The following ACSM2A variants were observed in gnomAD, a reference collection of about 807,000 sequenced individuals.
The protein encoded by ACSM2A is acyl-coenzyme A synthetase ACSM2A, mitochondrial.
A neutral mutation model predicts 76.6 loss-of-function variants in ACSM2A; 72 were observed. The observed-to-expected ratio is 0.94, with a 90% CI of 0.78 to 1.14. ACSM2A has a LOEUF of 1.14. ACSM2A is among the 50% of genes most tolerant of loss of function. The probability of loss-of-function intolerance (pLI) is 0.00; values close to 1 mark genes in which losing one functional copy is unlikely to be tolerated. For missense variants in ACSM2A, 684 were observed against 708.5 expected (o/e 0.97, Z 0.39); for synonymous variants, 249 against 255.9 (o/e 0.97, Z 0.26).
rs1333535011 is a variant in ACSM2A at position 20,471,595 on chromosome 16, T to C, written c.800T>C (p.Leu267Pro). ...MWTISDTGWI[L>P]NILCSLMEPW... Reference sequence around the variant, plus strand: ...ACCATATCAGACACAGGTTGGATACTGAACATCTTGTGCTCACTTATGGAA... The same window carrying C: ...ACCATATCAGACACAGGTTGGATACCGAACATCTTGTGCTCACTTATGGAA... Residue 267 changes from leucine (L) to proline (P), a missense_variant, in exon 6 of 14, where the codon CTG (leucine) becomes CCG (proline). Coordinates refer to ENST00000573854, the MANE Select transcript of ACSM2A (RefSeq NM_001308172.2). 4.3e-6 allele frequency: 7 copies of C among 1,613,990 alleles called. No homozygotes were observed. Among genetic ancestry groups the C allele is most frequent in the African/African-American group, 2.7e-5 (2 of 74,932 alleles).
intron 6 of ACSM2A, chr16:20,473,822 C>T (rs1336503035): frequency 3.7e-6 from 1 of 273,652 alleles, no homozygotes; most frequent in Non-Finnish European, 7.1e-6. Flanking sequence ...GACTTTAAGT[C>T]TGATTAAAAA....
At position 20,486,702 on chromosome 16, in the gene ACSM2A, G is replaced by C; in HGVS notation, c.*24G>C. On this transcript the variant is annotated 3_prime_UTR_variant, in exon 14 of 14. Coordinates refer to ENST00000573854, the MANE Select transcript of ACSM2A (RefSeq NM_001308172.2). ...GAGACATCTAAGAGACATTCATTTG[G>C]ATTCCCCTCTTCTTTCTCTTTCTTT... 1 of 1,612,414 alleles carries C rather than the reference G, an allele frequency of 6.2e-7. No homozygotes were observed. The highest frequency in any genetic ancestry group is 8.5e-7 in the Non-Finnish European group (1 of 1,178,564).
chr16:20,467,629 A>T (rs1297669629), intron 3 of ACSM2A, among the ~76,000 whole-genome samples: 6 of 152,176 alleles, frequency 3.9e-5, no homozygotes, highest in Non-Finnish European at 7.3e-5. Flanking sequence ...CAGACATTTC[A>T]GCAAGTGGGT....
rs2013402299 is a variant in ACSM2A, at chr16:20,471,530, T to C, written c.741-6T>C. ...ATATGTACATGTGTTTTGTCTGTGT[T>C]TTCAGTTGGACAGGCCTGCAAGCCT... On this transcript the variant is annotated splice_polypyrimidine_tract_variant and splice_region_variant and intron_variant, in intron 5 of 13. Transcript: ENST00000573854. The C allele has an allele frequency of 1.9e-6, 3 of 1,608,520 alleles. No homozygotes were observed. Among genetic ancestry groups the C allele is most frequent in the Non-Finnish European group, 2.5e-6 (3 of 1,177,140 alleles).
At chr16:20,476,824 G>C in intron 8 of ACSM2A, 3 of 650,736 alleles carry the variant, frequency 4.6e-6, no homozygotes, top group Non-Finnish European at 5.8e-6. Flanking sequence ...TCATTTCAGG[G>C]TTCAAGCAGA....
rs559984446 is a variant in ACSM2A, at chr16:20,461,992, T to C, written c.177+1701T>C. On this transcript the variant is annotated intron_variant, in intron 2 of 13. Coordinates refer to ENST00000573854, the MANE Select transcript of ACSM2A (RefSeq NM_001308172.2). ...TAGAGATGTGAGAAATGTCTTCAAG[T>C]GCTGAGTTTGTTTCTGGGTGAGGCA... Among the ~76,000 whole-genome samples, 12 of 152,230 alleles carry C rather than the reference T, an allele frequency of 7.9e-5. No individual in the cohort carries two copies. The South Asian group carries it at 2.5e-3, about 32-fold the overall frequency.
chr16:20,481,588 G>A (rs1596678072), intron 12 of ACSM2A: 1 of 150,522 alleles, frequency 6.6e-6, no homozygotes, highest in Non-Finnish European at 1.5e-5. Flanking sequence ...GTGGGGAAGT[G>A]GGGGATGAAG....
intron 8 of ACSM2A, chr16:20,476,081 G>T: frequency 1.9e-6 from 2 of 1,077,446 alleles, no homozygotes; most frequent in Non-Finnish European, 2.3e-6. Flanking sequence ...GGGGTGAGAA[G>T]TTGGTAAATC....
chr16:20,478,742 G>A, intron 10 of ACSM2A, 65 bp downstream of exon 10: 2 of 1,526,352 alleles, frequency 1.3e-6, no homozygotes, highest in Admixed American at 1.8e-5. Context: ...CGGGATGAGG[G>A]AGGACAAATG....
intron 2 of ACSM2A, among the ~76,000 whole-genome samples, chr16:20,463,817 T>G (rs1230141945): frequency 1.3e-5 from 2 of 152,248 alleles, no homozygotes; most frequent in Admixed American, 6.5e-5. Context: ...TCTTCAAGGT[T>G]TATCCATGTA....
In ACSM2A at chr16:20,480,876, G is replaced by A. The variant is rs2014044030; in HGVS notation, c.1464G>A (p.Val488=). ...ATGCACTGATGGAGCACCCTGCTGT[G>A]GTTGAGACGGCTGTGATCAGCAGCC... is the stretch of plus-strand genomic sequence containing the variant. ...VENALMEHPA[V]VETAVISSPD... Residue 488 remains valine (V), a synonymous_variant, in exon 12 of 14, where the codon GTG becomes GTA. Coordinates refer to ENST00000573854, the MANE Select transcript of ACSM2A (RefSeq NM_001308172.2). 4 of 1,613,836 alleles carry A rather than the reference G, an allele frequency of 2.5e-6. No individual in the cohort carries two copies. In the South Asian group the frequency reaches 3.3e-5, roughly 13 times the overall value.
intron 1 of ACSM2A, among the ~76,000 whole-genome samples, chr16:20,458,914 A>G (rs1337476229): frequency 3.4e-5 from 2 of 59,256 alleles, no homozygotes; most frequent in African/African-American, 1.1e-4. Context: ...GCATATATAT[A>G]TATATATATA....
intron 13 of ACSM2A, among the ~76,000 whole-genome samples, chr16:20,484,883 T>C (rs1289462764): frequency 1.3e-5 from 2 of 152,106 alleles, no homozygotes; most frequent in Non-Finnish European, 2.9e-5. Context: ...GGGTGGGACT[T>C]CTTTGTCCCT....
intron 1 of ACSM2A, among the ~76,000 whole-genome samples, chr16:20,458,908 A>AG (rs1567356821): frequency 2.0e-3 from 116 of 57,002 alleles, no homozygotes; most frequent in African/African-American, 0.01. Context: ...ATATATGCAT[A>AG]TATATATATA....
chr16:20,481,226 T>TC, intron 12 of ACSM2A: 4 of 380,028 alleles, frequency 1.1e-5, no homozygotes, highest in Non-Finnish European at 1.9e-5. Context: ...TACTGGGTAT[T>TC]TATCCAAAGG....
At chr16:20,476,698 G>A (rs1325678896) in intron 8 of ACSM2A, 1 of 994,260 alleles carries the variant, frequency 1.0e-6, no homozygotes, top group African/African-American at 1.7e-5. Context: ...ACAGTGGGTG[G>A]CGGGAAAAGA....
At chr16:20,469,441 G>A (rs1343851236) in intron 3 of ACSM2A, 71 bp from the exon 4 acceptor site, 10 of 1,598,652 alleles carry the variant, frequency 6.3e-6, no homozygotes, top group Admixed American at 5.1e-5. Context: ...GCTGCTTGAT[G>A]TTTATCTCAG....
intron 12 of ACSM2A, chr16:20,482,043 G>C (rs2014113719): frequency 7.4e-6 from 1 of 135,562 alleles, no homozygotes; most frequent in South Asian, 2.5e-4. Flanking sequence ...GCTGCGGCAG[G>C]AGAATCACAT....
chr16:20,469,690 T>C lies in ACSM2A; in HGVS notation c.567T>C (p.Asp189=), dbSNP rs149816399. The change falls in exon 4 of 14, where the codon GAT becomes GAC. Residue 189 remains aspartate, a synonymous_variant. Transcript: ENST00000573854. ...IKLLVSEKSC[D]GWLNFKKLLN... Reference sequence around the variant, plus strand: ...TACTGGTGTCTGAGAAAAGCTGTGATGGGTGGCTGAACTTCAAGAAACTAC... The same window carrying C: ...TACTGGTGTCTGAGAAAAGCTGTGACGGGTGGCTGAACTTCAAGAAACTAC... 293 of 1,613,794 alleles carry C rather than the reference T, an allele frequency of 1.8e-4. 4 individuals are homozygous for C. In the Admixed American group the frequency reaches 2.7e-3, roughly 15 times the overall value.
Sources: gnomAD v4.1 joint callset for allele counts (sites outside exome capture counted in the v4.1 genomes callset) on GRCh38, gnomAD v4.1.1 for gene constraint, MANE v1.5 for transcripts, NCBI Gene and HGNC (gene_info 2026-07-23, HGNC 2026-07-21) for gene names.